The following ASXL2 variants were observed in gnomAD, a reference collection of about 807,000 sequenced individuals.
ASXL2 encodes the protein putative Polycomb group protein ASXL2.
Under a neutral mutation model 122.0 loss-of-function variants are expected in ASXL2, and 23 were observed. The ratio of observed to expected loss-of-function variants is 0.19; its 90% CI spans 0.14 to 0.27. ASXL2 has a LOEUF of 0.27. ASXL2 is among the 10% of genes least tolerant of loss of function. ASXL2 has a pLI of 1.00. For synonymous variants in ASXL2, 650 were observed against 637.0 expected (o/e 1.02, Z -0.31); for missense variants, 1,518 against 1,713.8 (o/e 0.89, Z 2.02).
At chr2:25,748,801 G>A (rs2087985791) in intron 12 of ASXL2, among the ~76,000 whole-genome samples, 1 of 152,158 alleles carries the variant, frequency 6.6e-6, no homozygotes, top group Non-Finnish European at 1.5e-5. Flanking sequence ...AAATGTGTTT[G>A]GGTTTTAAAA....
chr2:25,820,997 T>C (rs1236772931), intron 3 of ASXL2, among the ~76,000 whole-genome samples: 1 of 151,958 alleles, frequency 6.6e-6, no homozygotes, highest in Non-Finnish European at 1.5e-5. Flanking sequence ...AGAAATCCCA[T>C]GGAGAAACCC....
intron 5 of ASXL2, among the ~76,000 whole-genome samples, chr2:25,796,078 C>T (rs1187864918): frequency 6.6e-6 from 1 of 152,152 alleles, no homozygotes; most frequent in Non-Finnish European, 1.5e-5. Flanking sequence ...ACAAAGTTCG[C>T]TCAAATTATG....
intron 4 of ASXL2, 103 bp from the exon 5 acceptor site, chr2:25,799,638 G>C (rs955698429): frequency 1.5e-6 from 2 of 1,374,134 alleles, no homozygotes; most frequent in African/African-American, 1.4e-5. Context: ...ACTAATTTTT[G>C]TTACTATAGG....
intron 4 of ASXL2, among the ~76,000 whole-genome samples, chr2:25,804,342 G>A (rs1412112692): frequency 6.6e-6 from 1 of 152,196 alleles, no homozygotes; most frequent in East Asian, 1.9e-4. Flanking sequence ...CCTGGCTTGA[G>A]CAAGCTTAAT....
intron 11 of ASXL2, among the ~76,000 whole-genome samples, chr2:25,752,211 TG>T (rs1324113356): frequency 8.5e-5 from 13 of 152,132 alleles, no homozygotes; most frequent in Non-Finnish European, 1.9e-4. Flanking sequence ...GGGCTGCCAT[TG>T]GTGTGCAGAA....
intron 1 of ASXL2, among the ~76,000 whole-genome samples, chr2:25,873,596 C>A (rs1306630963): frequency 2.0e-5 from 3 of 151,266 alleles, no homozygotes; most frequent in Non-Finnish European, 2.9e-5. Flanking sequence ...AAACTAAAAT[C>A]TTGTGTACAT....
chr2:25,776,177 T>C (rs1188751447), intron 5 of ASXL2, among the ~76,000 whole-genome samples: 1 of 152,214 alleles, frequency 6.6e-6, no homozygotes, highest in Non-Finnish European at 1.5e-5. Flanking sequence ...ACCCCATCTA[T>C]GTCCGTGGTC....
At chr2:25,756,481 A>G (rs2088138350) in intron 9 of ASXL2, among the ~76,000 whole-genome samples, 1 of 151,592 alleles carries the variant, frequency 6.6e-6, no homozygotes, top group Non-Finnish European at 1.5e-5. Context: ...AAAAAGAAAA[A>G]AAAAAAAGAA....
intron 5 of ASXL2, among the ~76,000 whole-genome samples, chr2:25,783,632 A>C (rs559094838): frequency 6.6e-6 from 1 of 152,176 alleles, no homozygotes; most frequent in African/African-American, 2.4e-5. Flanking sequence ...ATTCAGTATT[A>C]TAAACTGCCT....
intron 1 of ASXL2, among the ~76,000 whole-genome samples, chr2:25,852,894 G>A (rs2089732756): frequency 6.6e-6 from 1 of 152,136 alleles, no homozygotes; most frequent in Non-Finnish European, 1.5e-5. Flanking sequence ...CACTTAATGC[G>A]GAGGGAAGAA....
chr2:25,831,649 G>A (rs1292549991), intron 3 of ASXL2, among the ~76,000 whole-genome samples: 2 of 151,896 alleles, frequency 1.3e-5, no homozygotes, highest in Non-Finnish European at 2.9e-5. Flanking sequence ...ATGAGACCCT[G>A]TCTCAAAAAA....
intron 1 of ASXL2, among the ~76,000 whole-genome samples, chr2:25,851,672 A>G (rs2089716619): frequency 6.6e-6 from 1 of 152,178 alleles, no homozygotes; most frequent in Non-Finnish European, 1.5e-5. Context: ...GAAAAAGTGC[A>G]TGGGCCGGGC....
rs575022890 is a variant in ASXL2, at chr2:25,811,597, A to C, written c.144-5260T>G. Among the ~76,000 whole-genome samples, 70 of 152,248 alleles carry C rather than the reference A, an allele frequency of 4.6e-4. No homozygotes were observed. In the South Asian group the frequency reaches 5.8e-3, roughly 13 times the overall value. On this transcript the variant is annotated intron_variant, in intron 3 of 12. Coordinates refer to ENST00000435504, the MANE Select transcript of ASXL2 (RefSeq NM_018263.6). ...AATTACCAATAAAATGTATAATAAG[A>C]AGCTCAAACTTAATAGTGGTTATAA...
At chr2:25,761,796 G>GTCCAC (rs1224116809) in intron 8 of ASXL2, among the ~76,000 whole-genome samples, 1 of 151,698 alleles carries the variant, frequency 6.6e-6, no homozygotes, top group Non-Finnish European at 1.5e-5. Flanking sequence ...ATAAAGGCAT[G>GTCCAC]TCCACCAAAC....
intron 3 of ASXL2, among the ~76,000 whole-genome samples, chr2:25,821,092 C>G (rs924353284): frequency 1.3e-5 from 2 of 152,028 alleles, no homozygotes; most frequent in Admixed American, 6.6e-5. Context: ...GGCAGGAGAA[C>G]AGCTTGAACC....
intron 1 of ASXL2, among the ~76,000 whole-genome samples, chr2:25,872,594 A>G (rs1024910560): frequency 2.0e-5 from 3 of 152,184 alleles, no homozygotes; most frequent in Non-Finnish European, 2.9e-5. Context: ...CACTAGCAAA[A>G]TTAATAAAGA....
intron 1 of ASXL2, among the ~76,000 whole-genome samples, chr2:25,854,585 A>G (rs532709578): frequency 6.6e-6 from 1 of 152,330 alleles, no homozygotes; most frequent in South Asian, 2.1e-4. Context: ...GGTGACAGCA[A>G]TTTGTAGCTT....
intron 1 of ASXL2, among the ~76,000 whole-genome samples, chr2:25,852,293 T>C (rs147366393): frequency 6.6e-6 from 1 of 152,374 alleles, no homozygotes; most frequent in East Asian, 1.9e-4. Flanking sequence ...AGCTTGTAGA[T>C]TCCCAATTCA....
At chr2:25,771,278 A>G (rs2088448100) in intron 6 of ASXL2, among the ~76,000 whole-genome samples, 162 bp downstream of exon 6, 1 of 152,248 alleles carries the variant, frequency 6.6e-6, no homozygotes, top group Non-Finnish European at 1.5e-5. Context: ...TGTGTTACAA[A>G]GAGGTGCATA....
Sources: gnomAD v4.1 joint callset for allele counts (sites outside exome capture counted in the v4.1 genomes callset) on GRCh38, gnomAD v4.1.1 for gene constraint, MANE v1.5 for transcripts, NCBI Gene and HGNC (gene_info 2026-07-23, HGNC 2026-07-21) for gene names.